The following RIMKLB variants were observed in gnomAD, a reference collection of about 807,000 sequenced individuals.
The protein encoded by RIMKLB is beta-citrylglutamate synthase B.
RIMKLB carries 7 observed loss-of-function variants against 32.0 expected under a neutral mutation model. The observed-to-expected ratio is 0.22, with a 90% confidence interval of 0.12 to 0.41. The LOEUF is 0.41. Among genes scored for constraint, RIMKLB ranks in the 10% least tolerant of loss-of-function variants. The pLI, the probability that RIMKLB is intolerant of heterozygous loss-of-function variation, is 1.00. For missense variants in RIMKLB, 289 were observed against 498.7 expected, an observed-to-expected ratio of 0.58 and a Z score of 4.00; for synonymous variants, 172 against 185.1, an observed-to-expected ratio of 0.93 and a Z score of 0.57.
intron 1 of RIMKLB, among the ~76,000 whole-genome samples, chr12:8,704,999 C>CACACACAAAAA (rs35908223): frequency 6.6e-6 from 1 of 151,540 alleles, no homozygotes; most frequent in African/African-American, 2.4e-5. Context: ...CACACACACA[C>CACACACAAAAA]AAAACCCCAA....
chr12:8,772,929 C>T (rs1419550070), intron 5 of RIMKLB, among the ~76,000 whole-genome samples: 1 of 152,212 alleles, frequency 6.6e-6, no homozygotes. Flanking sequence ...ACTGTGTTCA[C>T]GTCACCACCT....
rs34755699 is a variant in RIMKLB, at chr12:8,722,220, T to TAA, written c.175+8192_175+8193dup. Among the ~76,000 whole-genome samples the TAA allele has an allele frequency of 1.9e-3, 281 of 147,698 alleles. 1 individual carries two copies. Among genetic ancestry groups the TAA allele is most frequent in the South Asian group, 6.3e-3 (29 of 4,632 alleles). On this transcript the variant is annotated intron_variant, in intron 2 of 5. Coordinates refer to ENST00000535829, the MANE Select transcript of RIMKLB (RefSeq NM_001297776.2). ...CTGTTTGTCAGCTGTCTCACAGAGCTAAAAAAAAAAAAAATTACTTCTTGA... is the reference window on the plus strand; with the variant it reads ...CTGTTTGTCAGCTGTCTCACAGAGCTAAAAAAAAAAAAAAAATTACTTCTTGA...
chr12:8,703,581 C>T (rs1456760330), intron 1 of RIMKLB, among the ~76,000 whole-genome samples: 1 of 152,018 alleles, frequency 6.6e-6, no homozygotes, highest in Admixed American at 6.6e-5. Context: ...ACTTCAGCCT[C>T]CTAAAGTGTT....
intron 2 of RIMKLB, among the ~76,000 whole-genome samples, chr12:8,738,758 T>C (rs1947239391): frequency 6.6e-6 from 1 of 152,178 alleles, no homozygotes; most frequent in African/African-American, 2.4e-5. Context: ...CCAGCCAAGC[T>C]AATTGGTGAG....
At chr12:8,713,770 T>G (rs778771521) in intron 1 of RIMKLB, 41 bp from the exon 2 acceptor site, 2 of 1,209,250 alleles carry the variant, frequency 1.7e-6, no homozygotes, top group Non-Finnish European at 1.2e-6. Context: ...TCAAGTAGAT[T>G]TCTTGATTTA....
chr12:8,731,162 T>C (rs1057475552), intron 2 of RIMKLB, among the ~76,000 whole-genome samples: 1 of 152,158 alleles, frequency 6.6e-6, no homozygotes, highest in African/African-American at 2.4e-5. Context: ...AGTGGCGCAA[T>C]CTCGGCTCAC....
At chr12:8,782,630 A>G (rs183766766) in intron 7 of RIMKLB, among the ~76,000 whole-genome samples, 1 of 152,306 alleles carries the variant, frequency 6.6e-6, no homozygotes, top group African/African-American at 2.4e-5. Flanking sequence ...AATTTGGGAA[A>G]TAAGGTTGCT....
chr12:8,734,503 C>G (rs1379053653), intron 2 of RIMKLB, among the ~76,000 whole-genome samples: 1 of 152,116 alleles, frequency 6.6e-6, no homozygotes, highest in Non-Finnish European at 1.5e-5. Context: ...GCATAAGAAG[C>G]TTTGTCTCAT....
At chr12:8,764,403 G>T (rs984498878) in intron 5 of RIMKLB, among the ~76,000 whole-genome samples, 16 of 152,150 alleles carry the variant, frequency 1.1e-4, no homozygotes, top group African/African-American at 3.9e-4. Flanking sequence ...CCCTAACAAG[G>T]GAGTGGGGCT....
At chr12:8,782,007 CTT>C (rs71659540), downstream of RIMKLB, among the ~76,000 whole-genome samples, 5,769 of 142,620 alleles carry the variant, frequency 0.04, 366 homozygotes, top group African/African-American at 0.14. Context: ...CTTATTTCAG[CTT>C]TTTTTTTTTT....
intron 2 of RIMKLB, among the ~76,000 whole-genome samples, chr12:8,732,578 A>G (rs1270052015): frequency 1.3e-5 from 2 of 152,322 alleles, no homozygotes; most frequent in Admixed American, 1.3e-4. Flanking sequence ...GAATCTTAGC[A>G]TTCAGATAAT....
At chr12:8,757,470 CAAAAA>C (rs55670138) in intron 5 of RIMKLB, among the ~76,000 whole-genome samples, 14 of 71,404 alleles carry the variant, frequency 2.0e-4, no homozygotes, top group South Asian at 1.3e-3. Flanking sequence ...GACCCTGTCT[CAAAAA>C]AAAAAAAAAA....
At chr12:8,698,572 A>AG (rs975679546) in intron 1 of RIMKLB, among the ~76,000 whole-genome samples, 2 of 151,732 alleles carry the variant, frequency 1.3e-5, no homozygotes, top group African/African-American at 4.8e-5. Context: ...AGCCGTGTCG[A>AG]GGGGGCGGCG....
At chr12:8,749,152 A>G (rs1948412100) in intron 2 of RIMKLB, among the ~76,000 whole-genome samples, 2 of 152,264 alleles carry the variant, frequency 1.3e-5, no homozygotes, top group African/African-American at 4.8e-5. Context: ...TTTCTCTTCA[A>G]CCTTTTTCCT....
chr12:8,768,486 G>A (rs1362020253), intron 5 of RIMKLB, among the ~76,000 whole-genome samples: 1 of 152,156 alleles, frequency 6.6e-6, no homozygotes, highest in Non-Finnish European at 1.5e-5. Flanking sequence ...GTTTTCATCT[G>A]TTTTTATAAG....
chr12:8,729,658 C>T (rs982953157), intron 2 of RIMKLB, among the ~76,000 whole-genome samples: 2 of 152,136 alleles, frequency 1.3e-5, no homozygotes, highest in Non-Finnish European at 1.5e-5. Flanking sequence ...GGGTTGGGCC[C>T]TCACCAGGGA....
chr12:8,764,693 G>T (rs549391452), intron 5 of RIMKLB, among the ~76,000 whole-genome samples: 12 of 152,182 alleles, frequency 7.9e-5, no homozygotes, highest in Non-Finnish European at 1.6e-4. Flanking sequence ...CCTGCTGCTG[G>T]ATCATCTGGT....
chr12:8,724,667 T>C (rs1945807187), intron 2 of RIMKLB, among the ~76,000 whole-genome samples: 1 of 152,164 alleles, frequency 6.6e-6, no homozygotes, highest in South Asian at 2.1e-4. Context: ...ACCCTGAGCC[T>C]GAGTCTGCAG....
chr12:8,764,128 A>G (rs1006073568), intron 5 of RIMKLB, among the ~76,000 whole-genome samples: 1 of 152,058 alleles, frequency 6.6e-6, no homozygotes. Flanking sequence ...CTACTGCATG[A>G]TTTTACTAGG....
Sources: allele counts gnomAD v4.1 joint callset (sites outside exome capture counted in the v4.1 genomes callset), GRCh38; gene constraint gnomAD v4.1.1; transcripts MANE v1.5; gene names NCBI Gene and HGNC (gene_info 2026-07-23, HGNC 2026-07-21).